PLEKHG5: variants seen among roughly 807,000 people sequenced by gnomAD.
PLEKHG5 encodes pleckstrin homology and RhoGEF domain containing G5.
PLEKHG5 carries 52 observed loss-of-function variants against 103.8 expected under a neutral mutation model. The observed-to-expected ratio is 0.50, with a 90% CI of 0.40 to 0.63. The LOEUF is 0.63. Among genes scored for constraint, PLEKHG5 ranks in the 30% least tolerant of loss-of-function variants. PLEKHG5 has a pLI of 0.00. For missense variants in PLEKHG5, 1,205 were observed against 1,347.6 expected (o/e 0.89, Z 1.66); for synonymous variants, 592 against 575.5 (o/e 1.03, Z -0.41).
At chr1:6,506,392 T>A (rs1225376151) in intron 1 of PLEKHG5, among the ~76,000 whole-genome samples, 2 of 152,114 alleles carry the variant, frequency 1.3e-5, no homozygotes, top group Non-Finnish European at 2.9e-5. Context: ...CTTCCCCTCC[T>A]ACAGACATTT....
At chr1:6,484,524 G>T (rs892448163) in intron 1 of PLEKHG5, among the ~76,000 whole-genome samples, 1 of 152,160 alleles carries the variant, frequency 6.6e-6, no homozygotes, top group Admixed American at 6.5e-5. Flanking sequence ...TGAGAAGCTG[G>T]GGTGGGCAGA....
At chr1:6,469,714 C>G in intron 16 of PLEKHG5, 38 bp from the exon 17 acceptor site, 1 of 1,606,498 alleles carries the variant, frequency 6.2e-7, no homozygotes, top group Non-Finnish European at 8.5e-7. Context: ...GAGAGGCCAG[C>G]AGGGTCAGGG....
intron 14 of PLEKHG5, 21 bp downstream of exon 14, chr1:6,470,713 TC>T: frequency 1.3e-6 from 2 of 1,551,558 alleles, no homozygotes; most frequent in Non-Finnish European, 8.7e-7. Context: ...GGGGGACGGC[TC>T]CCGCTGGCCA....
chr1:6,483,526 G>A (rs1177500844), intron 1 of PLEKHG5, among the ~76,000 whole-genome samples: 1 of 152,208 alleles, frequency 6.6e-6, no homozygotes, highest in Non-Finnish European at 1.5e-5. Flanking sequence ...TTAGCCGGGT[G>A]TGGTGGCGCT....
chr1:6,500,622 A>G (rs1045854744), upstream of PLEKHG5, among the ~76,000 whole-genome samples: 2 of 85,218 alleles, frequency 2.3e-5, no homozygotes, highest in Admixed American at 1.3e-4. Flanking sequence ...ACCCTGAACT[A>G]CCCCCTCCGC....
chr1:6,516,883 TATACAC>T (rs372260088), intron 1 of PLEKHG5, among the ~76,000 whole-genome samples: 1,861 of 16,472 alleles, frequency 0.11, 22 homozygotes, highest in Non-Finnish European at 0.25. Flanking sequence ...TATATATATA[TATACAC>T]ATATATATAT....
intron 7 of PLEKHG5, 90 bp from the exon 8 acceptor site, chr1:6,473,544 TG>T: frequency 9.7e-7 from 1 of 1,027,854 alleles, no homozygotes; most frequent in Non-Finnish European, 1.4e-6. Context: ...CAGGCCAGCC[TG>T]GGATGGAGGA....
chr1:6,468,983 G>T, intron 19 of PLEKHG5, 59 bp downstream of exon 19: 1 of 1,420,556 alleles, frequency 7.0e-7, no homozygotes, highest in Non-Finnish European at 9.9e-7. Flanking sequence ...GCCTTCAGGA[G>T]TCCTGGGCTA....
intron 1 of PLEKHG5, among the ~76,000 whole-genome samples, chr1:6,507,773 C>T (rs758663988): frequency 5.3e-5 from 8 of 152,290 alleles, no homozygotes; most frequent in South Asian, 2.1e-4. Context: ...GCCCCTCCCG[C>T]GCCGGCACGG....
At chr1:6,513,911 G>C (rs1159812005) in intron 1 of PLEKHG5, among the ~76,000 whole-genome samples, 1 of 152,252 alleles carries the variant, frequency 6.6e-6, no homozygotes, top group African/African-American at 2.4e-5. Context: ...CAGTTTCTGT[G>C]CAGGGCAGCT....
In PLEKHG5 at chr1:6,473,138, G is replaced by A. The variant is rs1644646610; in HGVS notation, c.832C>T (p.His278Tyr). Reference sequence around the variant, plus strand: ...GGCAGCCCGAAGAGGCTGTAGGTGTGCAGCTTGCCCTCCAGCTGCTCCATC... The same window carrying A: ...GGCAGCCCGAAGAGGCTGTAGGTGTACAGCTTGCCCTCCAGCTGCTCCATC... ...DKMEQLEGKLHTYSLFGLPRL... is the reference protein window; with the variant it reads ...DKMEQLEGKLYTYSLFGLPRL... Residue 278 changes from histidine (H) to tyrosine (Y), a missense_variant, in exon 9 of 21, where the codon CAC becomes TAC. By Grantham distance (83) the His-to-Tyr change is moderately conservative (BLOSUM62 2). Coordinates refer to ENST00000377728, the MANE Select transcript of PLEKHG5 (RefSeq NM_020631.6). The A allele has an allele frequency of 1.2e-6, 2 of 1,613,808 alleles. No homozygotes were observed. The highest frequency in any genetic ancestry group is 3.3e-5 in the Admixed American group (2 of 60,004).
chr1:6,492,745 GAA>G (rs949052167), upstream of PLEKHG5, among the ~76,000 whole-genome samples: 1 of 152,108 alleles, frequency 6.6e-6, no homozygotes, highest in African/African-American at 2.4e-5. Flanking sequence ...CGCACAGCTG[GAA>G]AAAAGTAGGT....
intron 6 of PLEKHG5, 37 bp from the exon 7 acceptor site, chr1:6,474,201 G>C (rs1216135205): frequency 6.2e-7 from 1 of 1,610,646 alleles, no homozygotes; most frequent in Non-Finnish European, 8.5e-7. Context: ...TCAGTACCCT[G>C]GTCTGGTGGA....
intron 1 of PLEKHG5, among the ~76,000 whole-genome samples, chr1:6,480,178 G>A (rs779520722): frequency 1.3e-4 from 20 of 152,006 alleles, no homozygotes; most frequent in Non-Finnish European, 2.1e-4. Flanking sequence ...TCAATCAGTT[G>A]AGGTCAGGAG....
chr1:6,470,605 C>T lies in PLEKHG5; in HGVS notation c.1581G>A (p.Ala527=), dbSNP rs773262365. ...SVERFIHHVN[A]CMRQRQERQR... is the part of the protein sequence containing the mutation. Reference sequence around the variant, plus strand: ...GCCGCTCCTGCCGCTGCCGCATGCACGCGTTCACGTGGTGGATGAAGCGCT... The same window carrying T: ...GCCGCTCCTGCCGCTGCCGCATGCATGCGTTCACGTGGTGGATGAAGCGCT... Residue 527 remains alanine (A), a synonymous_variant, in exon 15 of 21, where the codon GCG becomes GCA. Transcript: ENST00000377728. The T allele has an allele frequency of 1.9e-6, 3 of 1,599,244 alleles. No homozygotes were observed. Among genetic ancestry groups the T allele is most frequent in the Admixed American group, 1.7e-5 (1 of 59,370 alleles).
upstream of PLEKHG5, among the ~76,000 whole-genome samples, chr1:6,498,223 C>T (rs1380204736): frequency 6.6e-6 from 1 of 152,148 alleles, no homozygotes; most frequent in East Asian, 1.9e-4. Context: ...GGCATTGCGC[C>T]GACAAGACCT....
chr1:6,484,269 G>A (rs1644970448), intron 1 of PLEKHG5, among the ~76,000 whole-genome samples: 1 of 152,136 alleles, frequency 6.6e-6, no homozygotes, highest in African/African-American at 2.4e-5. Context: ...TCCCTGCTGT[G>A]ATGGTCTGGG....
chr1:6,517,818 G>C (rs184260853), intron 1 of PLEKHG5, among the ~76,000 whole-genome samples: 1 of 152,208 alleles, frequency 6.6e-6, no homozygotes, highest in Non-Finnish European at 1.5e-5. Flanking sequence ...AGGCTATCCC[G>C]CTGGGGCCGG....
upstream of PLEKHG5, among the ~76,000 whole-genome samples, chr1:6,492,674 C>A (rs984833139): frequency 9.2e-5 from 14 of 152,246 alleles, no homozygotes; most frequent in Middle Eastern, 3.4e-3. Flanking sequence ...ATCCTCGCTG[C>A]CGGGTTATTT....
Sources: allele counts gnomAD v4.1 joint callset (sites outside exome capture counted in the v4.1 genomes callset), GRCh38; gene constraint gnomAD v4.1.1; transcripts MANE v1.5; gene names NCBI Gene and HGNC (gene_info 2026-07-23, HGNC 2026-07-21).